Variants in TLE1 observed in about 807,000 individuals in gnomAD.
The protein encoded by TLE1 is transducin-like enhancer protein 1.
TLE1 carries 21 observed loss-of-function variants against 89.8 expected under a neutral mutation model. The ratio of observed to expected loss-of-function variants is 0.23; its 90% CI spans 0.17 to 0.34. The LOEUF (loss-of-function observed/expected upper bound fraction) is 0.34. TLE1 is among the 10% of genes least tolerant of loss of function. The pLI, the probability that TLE1 is intolerant of heterozygous loss-of-function variation, is 1.00. For missense variants in TLE1, 795 were observed against 1,031.2 expected (o/e 0.77, Z 3.14); for synonymous variants, 447 against 407.6 (o/e 1.10, Z -1.16).
intron 4 of TLE1, among the ~76,000 whole-genome samples, chr9:81,659,267 C>CT: frequency 6.6e-6 from 1 of 152,176 alleles, no homozygotes; most frequent in Admixed American, 6.5e-5. Flanking sequence ...GCAGGTTAAC[C>CT]TGGGTATTTG....
Position 81,615,081 on chromosome 9 carries a change from C to CA in TLE1, c.918+900dup, listed in dbSNP as rs34947337. On this transcript the variant is annotated intron_variant, in intron 11 of 19. Coordinates refer to ENST00000376499, the MANE Select transcript of TLE1 (RefSeq NM_005077.5). ...TGGGTGACAGAGTGAGACTCCATCT[C>CA]AAAAAAAAAAAAAAAAAAAAAAAAA... 8.0e-4 allele frequency among the ~76,000 whole-genome samples: 20 copies of CA among 25,102 alleles called. 4 individuals carry two copies. Among genetic ancestry groups the CA allele is most frequent in the Admixed American group, 2.2e-3 (3 of 1,386 alleles). The allele number at this position is 25,102 out of a possible 152,430, so 16.5% of individuals were successfully genotyped here. A position where few individuals can be genotyped will look rare whatever the true frequency, so the allele number is the denominator to read the frequency against.
chr9:81,592,125 A>C (rs150507190), intron 15 of TLE1, among the ~76,000 whole-genome samples: 1 of 152,154 alleles, frequency 6.6e-6, no homozygotes, highest in Non-Finnish European at 1.5e-5. Context: ...TTGGAAGGCC[A>C]AGGCGGGCGG....
At chr9:81,675,583 G>A (rs1832770963) in intron 4 of TLE1, among the ~76,000 whole-genome samples, 1 of 152,002 alleles carries the variant, frequency 6.6e-6, no homozygotes, top group South Asian at 2.1e-4. Context: ...AGAACTCTCA[G>A]TGGTTACTGA....
Position 81,611,750 on chromosome 9 carries a change from C to A in TLE1, c.1254+19G>T. 1.3e-6 allele frequency: 2 copies of A among 1,496,626 alleles called. No homozygotes were observed. Among genetic ancestry groups the A allele is most frequent in the African/African-American group, 1.5e-5 (1 of 68,146 alleles). The allele number at this position is 1,496,626 out of a possible 1,614,324, so 92.7% of individuals were successfully genotyped here. On this transcript the variant is annotated intron_variant, in intron 13 of 19. Transcript: ENST00000376499. ...GCAGCGTTCCTACCCCAACCACAGCCCACCCGACAGCGGCCTACCATGGGG... is the reference window on the plus strand; with the variant it reads ...GCAGCGTTCCTACCCCAACCACAGCACACCCGACAGCGGCCTACCATGGGG...
intron 4 of TLE1, among the ~76,000 whole-genome samples, chr9:81,677,530 AC>A (rs950559752): frequency 7.3e-6 from 1 of 136,400 alleles, no homozygotes; most frequent in Admixed American, 8.8e-5. Flanking sequence ...ATGCCACTGC[AC>A]CCCAGCCTGG....
chr9:81,587,920 G>GTGTGTGTCATCCCGCC lies in TLE1; in HGVS notation c.1830-93_1830-92insGGCGGGATGACACACA, dbSNP rs777355067. On this transcript the variant is annotated intron_variant, in intron 16 of 19. Coordinates refer to ENST00000376499, the MANE Select transcript of TLE1 (RefSeq NM_005077.5). ...TTAGTTTTGGACCGTGTGTGTGTGTGTGTGTGTGTGTGTGTGTGTGTGTGT... is the reference window on the plus strand; with the variant it reads ...TTAGTTTTGGACCGTGTGTGTGTGTGTGTGTGTCATCCCGCCTGTGTGTGTGTGTGTGTGTGTGTGT... The GTGTGTGTCATCCCGCC allele has an allele frequency of 6.9e-3, 6,942 of 1,012,540 alleles. 409 individuals are homozygous for GTGTGTGTCATCCCGCC. The highest frequency in any genetic ancestry group is 8.6e-3 in the Middle Eastern group (38 of 4,424). The allele number at this position is 1,012,540 out of a possible 1,614,324, so 62.7% of individuals were successfully genotyped here. A position where few individuals can be genotyped will look rare whatever the true frequency, so the allele number is the denominator to read the frequency against.
At chr9:81,620,917 CA>C (rs1443945720) in intron 8 of TLE1, 2 of 538,620 alleles carry the variant, frequency 3.7e-6, no homozygotes, top group Non-Finnish European at 7.2e-6. Context: ...GGCCTATGAG[CA>C]AATCTTGAGA....
At chr9:81,669,366 C>G (rs1181539724) in intron 4 of TLE1, among the ~76,000 whole-genome samples, 1 of 152,198 alleles carries the variant, frequency 6.6e-6, no homozygotes, top group Non-Finnish European at 1.5e-5. Flanking sequence ...TTTTCAAATC[C>G]GTGGCACAAG....
chr9:81,592,151 G>A (rs1283065296), intron 15 of TLE1, among the ~76,000 whole-genome samples: 3 of 152,234 alleles, frequency 2.0e-5, no homozygotes, highest in Non-Finnish European at 4.4e-5. Flanking sequence ...AAGGTCAGGA[G>A]ATCGAGACCA....
chr9:81,616,155 GT>G, intron 10 of TLE1, 21 bp from the exon 11 acceptor site: 2 of 1,585,858 alleles, frequency 1.3e-6, no homozygotes, highest in South Asian at 2.3e-5. Context: ...ATAATCAAAA[GT>G]TTTCGTGATT....
Position 81,616,150 on chromosome 9 carries a change from C to A in TLE1, c.766-16G>T. 6.3e-7 allele frequency: 1 copy of A among 1,586,974 alleles called. No individual in the cohort carries two copies. ...AAGAAGGGTCCTCAACAAGCATAAT[C>A]AAAAGTTTTCGTGATTTAGCTTGTA... is the stretch of plus-strand genomic sequence containing the variant. On this transcript the variant is annotated splice_polypyrimidine_tract_variant and intron_variant, in intron 10 of 19. Coordinates refer to ENST00000376499, the MANE Select transcript of TLE1 (RefSeq NM_005077.5).
intron 4 of TLE1, among the ~76,000 whole-genome samples, chr9:81,672,497 C>G (rs954936726): frequency 2.0e-5 from 3 of 149,308 alleles, no homozygotes; most frequent in African/African-American, 7.4e-5. Flanking sequence ...AATATTAGTA[C>G]ATCAGCAGCA....
At chr9:81,642,191 T>C (rs1201431016) in intron 6 of TLE1, among the ~76,000 whole-genome samples, 1 of 152,112 alleles carries the variant, frequency 6.6e-6, no homozygotes, top group African/African-American at 2.4e-5. Context: ...AGTATAGAGG[T>C]TTCTCAAAAA....
rs143226940 is a variant in TLE1, at chr9:81,618,431, G to A, written c.712-1732C>T. ...CCTAATCATACCCAGAGCACTACAC[G>A]TGAGAGACCCAATTTATTTTCTTCA... On this transcript the variant is annotated intron_variant, in intron 9 of 19. Transcript: ENST00000376499. 6.3e-3 allele frequency among the ~76,000 whole-genome samples: 964 copies of A among 152,194 alleles called. 7 individuals carry two copies. The highest frequency in any genetic ancestry group is 0.021 in the African/African-American group (868 of 41,514).
At chr9:81,657,813 C>T (rs888774287) in intron 4 of TLE1, among the ~76,000 whole-genome samples, 1 of 151,736 alleles carries the variant, frequency 6.6e-6, no homozygotes, top group Non-Finnish European at 1.5e-5. Context: ...CTTAAAATAC[C>T]TAATACAATG....
intron 16 of TLE1, among the ~76,000 whole-genome samples, chr9:81,590,535 T>C (rs1324602675): frequency 6.6e-6 from 1 of 152,218 alleles, no homozygotes; most frequent in African/African-American, 2.4e-5. Context: ...GCCAGAAATA[T>C]TTTTAGAACA....
chr9:81,632,611 G>C (rs1311375851), intron 8 of TLE1, among the ~76,000 whole-genome samples: 1 of 151,652 alleles, frequency 6.6e-6, no homozygotes, highest in African/African-American at 2.4e-5. Context: ...CAACATTTGA[G>C]ACACACTTTA....
At chr9:81,609,383 C>T (rs868707810) in intron 14 of TLE1, among the ~76,000 whole-genome samples, 2 of 152,198 alleles carry the variant, frequency 1.3e-5, no homozygotes, top group Non-Finnish European at 2.9e-5. Flanking sequence ...CTGCGCCTGG[C>T]CTCTGCTATT....
chr9:81,609,384 C>A (rs1587947475), intron 14 of TLE1, among the ~76,000 whole-genome samples: 4 of 152,234 alleles, frequency 2.6e-5, no homozygotes, highest in Admixed American at 2.6e-4. Flanking sequence ...TGCGCCTGGC[C>A]TCTGCTATTT....
Sources: gnomAD v4.1 joint callset for allele counts (sites outside exome capture counted in the v4.1 genomes callset) on GRCh38, gnomAD v4.1.1 for gene constraint, MANE v1.5 for transcripts, NCBI Gene and HGNC (gene_info 2026-07-23, HGNC 2026-07-21) for gene names.